PROSER1: variants seen among roughly 807,000 people sequenced by gnomAD.
PROSER1 encodes the protein proline and serine-rich protein 1.
PROSER1 carries 36 observed loss-of-function variants against 71.8 expected under a neutral mutation model. That is an observed-to-expected ratio of 0.50 (90% CI 0.38 to 0.66). The LOEUF (loss-of-function observed/expected upper bound fraction) is 0.66, where lower values mean the gene tolerates loss of function less well. Among genes scored for constraint, PROSER1 ranks in the 30% least tolerant of loss-of-function variants. The pLI is 0.00. For missense variants in PROSER1, 1,107 were observed against 1,135.0 expected (o/e 0.98, Z 0.35); for synonymous variants, 490 against 452.4 (o/e 1.08, Z -1.06).
At chr13:39,016,192 T>C (rs1870001564) in intron 10 of PROSER1, among the ~76,000 whole-genome samples, 1 of 152,178 alleles carries the variant, frequency 6.6e-6, no homozygotes. Flanking sequence ...CATACCATAA[T>C]AAACAGCACT....
intron 5 of PROSER1, among the ~76,000 whole-genome samples, chr13:39,026,674 A>G (rs1461504046): frequency 1.3e-5 from 2 of 152,176 alleles, no homozygotes; most frequent in African/African-American, 4.8e-5. Flanking sequence ...TTATTATCTA[A>G]TCTGTCCCAT....
intron 10 of PROSER1, among the ~76,000 whole-genome samples, chr13:39,015,737 T>TA (rs1869978897): frequency 6.6e-6 from 1 of 152,152 alleles, no homozygotes; most frequent in African/African-American, 2.4e-5. Flanking sequence ...TTTAAGTACA[T>TA]AAACTGAAAC....
chr13:39,011,562 A>C, intron 12 of PROSER1, 75 bp from the exon 13 acceptor site: 1 of 1,441,860 alleles, frequency 6.9e-7, no homozygotes, highest in Non-Finnish European at 9.5e-7. Flanking sequence ...TACCCATGCC[A>C]CACAGAGATA....
Position 39,013,048 on chromosome 13 carries a change from G to A in PROSER1, c.2204C>T (p.Ser735Phe). ...TGAGCTAGGATGAGGGAGAGATGTGGAGGTGGCAGCGGTAGATGAGGTGGC... is the reference window on the plus strand; with the variant it reads ...TGAGCTAGGATGAGGGAGAGATGTGAAGGTGGCAGCGGTAGATGAGGTGGC... ...LIATSSTAATSTSLPHPSSTA... is the reference protein window; with the variant it reads ...LIATSSTAATFTSLPHPSSTA... Residue 735 changes from serine (S) to phenylalanine (F), a missense_variant, in exon 11 of 13, where the codon TCC (serine) becomes TTC (phenylalanine). Coordinates refer to ENST00000352251, the MANE Select transcript of PROSER1 (RefSeq NM_025138.5). 6.2e-7 allele frequency: 1 copy of A among 1,614,128 alleles called. No individual in the cohort carries two copies. Among genetic ancestry groups the A allele is most frequent in the African/African-American group, 1.3e-5 (1 of 75,036 alleles).
rs1224926254 is a variant in PROSER1 at position 39,012,114 on chromosome 13, T to C, written c.2681A>G (p.Asn894Ser). ...SQSSLQELQH[N>S]AAAQSALLQQ... ...TAACAATGCTGACTGCGCAGCCGCA[T>C]TATGCTGTAATTCTTGCAAGGATGA... is the stretch of plus-strand genomic sequence containing the variant. The change falls in exon 12 of 13, where the codon AAT (asparagine) becomes AGT (serine). Residue 894 changes from asparagine (N) to serine (S), a missense_variant. Asn to Ser is a conservative substitution (Grantham distance 46, BLOSUM62 1). Coordinates refer to ENST00000352251, the MANE Select transcript of PROSER1 (RefSeq NM_025138.5). 3.1e-6 allele frequency: 5 copies of C among 1,614,198 alleles called. No individual in the cohort carries two copies. The highest frequency in any genetic ancestry group is 4.2e-6 in the Non-Finnish European group (5 of 1,180,028).
In PROSER1 at chr13:39,012,953, A is replaced by T; in HGVS notation, c.2299T>A (p.Ser767Thr). Reference sequence around the variant, plus strand: ...GAGAAAAGTGAGGGAACAGCAGTGGACAGGTTGAGGGGGAAAGGTGCTGCT... The same window carrying T: ...GAGAAAAGTGAGGGAACAGCAGTGGTCAGGTTGAGGGGGAAAGGTGCTGCT... ...VSAAPFPLNL[S>T]TAVPSLFSVT... Residue 767 changes from serine to threonine, a missense_variant, in exon 11 of 13, where the codon TCC becomes ACC. Coordinates refer to ENST00000352251, the MANE Select transcript of PROSER1 (RefSeq NM_025138.5). The T allele has an allele frequency of 1.2e-6, 2 of 1,614,160 alleles. No individual in the cohort carries two copies. The highest frequency in any genetic ancestry group is 2.2e-5 in the South Asian group (2 of 91,086).
chr13:39,024,577 AG>A lies in PROSER1; in HGVS notation c.481-22del, dbSNP rs200677404. ...GTTCCCTATTAAAAAAAAAAAAAAA[AG>A]GTAATTGAAACTTAAAAAAAAAACC... On this transcript the variant is annotated intron_variant, in intron 6 of 12. Transcript: ENST00000352251. 1.5e-3 allele frequency: 2,167 copies of A among 1,414,058 alleles called. 21 individuals carry two copies. The African/African-American group carries it at 0.029, about 19-fold the overall frequency. The allele number at this position is 1,414,058 out of a possible 1,614,324, so 87.6% of individuals were successfully genotyped here.
rs1248842271 is a variant in PROSER1 at position 39,017,544 on chromosome 13, T to G, written c.731A>C (p.Glu244Ala). 5.5e-6 allele frequency: 8 copies of G among 1,459,472 alleles called. No individual in the cohort carries two copies. In the African/African-American group the frequency reaches 9.9e-5, roughly 18 times the overall value. 90.4% of individuals were successfully genotyped at this position (1,459,472 alleles called of 1,614,324 possible). The change falls in exon 10 of 13, where the codon GAG (glutamate) becomes GCG (alanine). Residue 244 changes from glutamate (E) to alanine (A), a missense_variant and splice_region_variant. Coordinates refer to ENST00000352251, the MANE Select transcript of PROSER1 (RefSeq NM_025138.5). ...TGACGGATTCGAAAGGTCTTCATTCTCTATATAAAAATAAATAAAAGTTCA... is the reference window on the plus strand; with the variant it reads ...TGACGGATTCGAAAGGTCTTCATTCGCTATATAAAAATAAATAAAAGTTCA... The part of the protein sequence containing the change: ...PPYTPNPVGT[E>A]NEDLSNPSKP...
In PROSER1 at chr13:39,037,215, G is replaced by A; in HGVS notation, c.28C>T (p.Leu10=). ...CTAATTACCTTTCTAATTTCATCCA[G>A]CACCATTTCAAAGGACTTTTTATCC... MDKKSFEMV[L]DEIRKAVLTE... The change falls in exon 1 of 13, where the codon CTG becomes TTG. Residue 10 remains leucine (L), a synonymous_variant. Coordinates refer to ENST00000352251, the MANE Select transcript of PROSER1 (RefSeq NM_025138.5). 1 of 1,608,922 alleles carries A rather than the reference G, an allele frequency of 6.2e-7. No individual in the cohort carries two copies. Among genetic ancestry groups the A allele is most frequent in the Non-Finnish European group, 8.5e-7 (1 of 1,175,356 alleles).
At chr13:39,027,834 A>C (rs1317727991) in intron 5 of PROSER1, among the ~76,000 whole-genome samples, 2 of 152,206 alleles carry the variant, frequency 1.3e-5, no homozygotes, top group Non-Finnish European at 2.9e-5. Context: ...TTAACTAATA[A>C]ACTGGCTTTA....
rs2138091562 is a variant in PROSER1, at chr13:39,010,799, A to G, written c.*566T>C. ...TAAGCACCACTTTCACTTACCTGAA[A>G]TATTTTGAGTTAAATTCAGCAGTAT... On this transcript the variant is annotated 3_prime_UTR_variant, in exon 13 of 13. Coordinates refer to ENST00000352251, the MANE Select transcript of PROSER1 (RefSeq NM_025138.5). The G allele has an allele frequency of 6.5e-6, 1 of 152,870 alleles. No individual in the cohort carries two copies. Among genetic ancestry groups the G allele is most frequent in the South Asian group, 2.1e-4 (1 of 4,830 alleles). The allele number at this position is 152,870 out of a possible 1,614,324, so 9.5% of individuals were successfully genotyped here.
intron 5 of PROSER1, 146 bp downstream of exon 5, chr13:39,028,081 G>T (rs972855562): frequency 1.5e-5 from 7 of 458,424 alleles, no homozygotes; most frequent in African/African-American, 1.0e-4. Flanking sequence ...TTTCCACGCC[G>T]CAGACCGCAG....
chr13:39,014,935 T>A (rs942161713), intron 10 of PROSER1, among the ~76,000 whole-genome samples: 2 of 152,078 alleles, frequency 1.3e-5, no homozygotes, highest in East Asian at 3.9e-4. Flanking sequence ...AGCTCTCCAG[T>A]ATTGTTTGTT....
intron 1 of PROSER1, among the ~76,000 whole-genome samples, chr13:39,036,828 G>A (rs908535025): frequency 2.0e-5 from 3 of 152,120 alleles, no homozygotes; most frequent in Admixed American, 6.6e-5. Flanking sequence ...AACTTTCTGC[G>A]TATTACCTCT....
chr13:39,036,189 T>G (rs1368083508), intron 1 of PROSER1, among the ~76,000 whole-genome samples: 1 of 152,214 alleles, frequency 6.6e-6, no homozygotes, highest in Non-Finnish European at 1.5e-5. Flanking sequence ...TTTCAAAAAT[T>G]AATTGGACAC....
Position 39,013,521 on chromosome 13 carries a change from G to C in PROSER1, c.1731C>G (p.Ser577=). The C allele has an allele frequency of 6.2e-7, 1 of 1,614,102 alleles. No homozygotes were observed. ...ASTSVPVSCG[S]SASLLRGPHP... is the part of the protein sequence containing the mutation. The stretch of plus-strand genomic sequence containing the variant: ...GGGGGCCACGCAAAAGGGAGGCTGA[G>C]GAGCCACAGCTAACTGGCACTGACG... Residue 577 remains serine, a synonymous_variant, in exon 11 of 13, where the codon TCC becomes TCG. Coordinates refer to ENST00000352251, the MANE Select transcript of PROSER1 (RefSeq NM_025138.5).
rs1593526359 is a variant in PROSER1, at chr13:39,013,859, T to C, written c.1393A>G (p.Asn465Asp). 6.2e-7 allele frequency: 1 copy of C among 1,614,166 alleles called. No individual in the cohort carries two copies. The highest frequency in any genetic ancestry group is 2.2e-5 in the East Asian group (1 of 44,888). ...TPSVAGPLGV[N>D]SPLLSALKGF... is the part of the protein sequence containing the mutation. ...TTTAACGCAGACAAAAGAGGACTGT[T>C]CACACCAAGTGGACCGGCAACGCTG... Residue 465 changes from asparagine to aspartate, a missense_variant, in exon 11 of 13, where the codon AAC becomes GAC. Transcript: ENST00000352251.
In PROSER1 at chr13:39,029,371, A is replaced by G. The variant is rs528996382; in HGVS notation, c.185T>C (p.Met62Thr). The change falls in exon 4 of 13, where the codon ATG (methionine) becomes ACG (threonine). Residue 62 changes from methionine (M) to threonine (T), a missense_variant. By Grantham distance (81) the Met-to-Thr change is moderately conservative. Coordinates refer to ENST00000352251, the MANE Select transcript of PROSER1 (RefSeq NM_025138.5). Reference sequence around the variant, plus strand: ...CACTTCTGTTGGCTGGACAGCCACCATTTTCTGTTGATATAAAAAATAATT... The same window carrying G: ...CACTTCTGTTGGCTGGACAGCCACCGTTTTCTGTTGATATAAAAAATAATT... ...LKAMKALQHKMVAVQPTEVVN... is the reference protein window; with the variant it reads ...LKAMKALQHKTVAVQPTEVVN... 1 of 1,427,366 alleles carries G rather than the reference A, an allele frequency of 7.0e-7. No individual in the cohort carries two copies. The highest frequency in any genetic ancestry group is 9.2e-7 in the Non-Finnish European group (1 of 1,081,658). The allele number at this position is 1,427,366 out of a possible 1,614,324, so 88.4% of individuals were successfully genotyped here.
At chr13:39,021,770 G>A (rs1870301629) in intron 9 of PROSER1, among the ~76,000 whole-genome samples, 2 of 152,162 alleles carry the variant, frequency 1.3e-5, no homozygotes, top group Non-Finnish European at 2.9e-5. Flanking sequence ...TATGCAAGCA[G>A]CTCACGTTTA....
Sources: gnomAD v4.1 joint callset for allele counts (sites outside exome capture counted in the v4.1 genomes callset) on GRCh38, gnomAD v4.1.1 for gene constraint, MANE v1.5 for transcripts, NCBI Gene and HGNC (gene_info 2026-07-23, HGNC 2026-07-21) for gene names.